PSD3: variants seen among roughly 807,000 people sequenced by gnomAD.
PSD3 encodes the protein pleckstrin and Sec7 domain containing 3, also known as PH and SEC7 domain-containing protein 3.
PSD3 carries 49 observed loss-of-function variants against 105.5 expected under a neutral mutation model. The ratio of observed to expected loss-of-function variants is 0.46; its 90% CI spans 0.37 to 0.59. The LOEUF (loss-of-function observed/expected upper bound fraction) is 0.59, where lower values mean the gene tolerates loss of function less well. Ranked by LOEUF, PSD3 falls within the 20% of genes least tolerant of loss-of-function variation. The pLI, the probability that PSD3 is intolerant of heterozygous loss-of-function variation, is 0.00. For synonymous variants in PSD3, 557 were observed against 457.8 expected, an observed-to-expected ratio of 1.22 and a Z score of -2.77; for missense variants, 1,561 against 1,263.8, an observed-to-expected ratio of 1.24 and a Z score of -3.57.
chr8:18,751,760 A>G (rs200341594), intron 9 of PSD3, among the ~76,000 whole-genome samples: 7,862 of 123,192 alleles, frequency 0.064, 80 homozygotes, highest in African/African-American at 0.19. Context: ...ACCTGAGAAA[A>G]CTGAAAAGGA....
intron 1 of PSD3, among the ~76,000 whole-genome samples, chr8:19,032,124 C>T (rs775662321): frequency 7.2e-5 from 11 of 152,082 alleles, no homozygotes; most frequent in Non-Finnish European, 1.5e-4. Context: ...CCTACCTGGT[C>T]ATTTTACTCT....
intron 1 of PSD3, among the ~76,000 whole-genome samples, chr8:18,939,259 C>T (rs1822364399): frequency 1.3e-5 from 2 of 152,100 alleles, no homozygotes; most frequent in Admixed American, 6.5e-5. Context: ...GTTCATGAAG[C>T]TGGGGAGGGG....
intron 1 of PSD3, among the ~76,000 whole-genome samples, chr8:18,988,593 T>A (rs1265852768): frequency 7.2e-6 from 1 of 138,226 alleles, no homozygotes; most frequent in Non-Finnish European, 1.7e-5. Flanking sequence ...AACTCAAAAA[T>A]GCTCACCCAA....
intron 2 of PSD3, among the ~76,000 whole-genome samples, chr8:18,927,673 G>C (rs17127449): frequency 0.039 from 5,903 of 152,222 alleles, 282 homozygotes; most frequent in East Asian, 0.17. Context: ...TAGTTTCCCT[G>C]AACACACGTA....
At chr8:18,808,933 C>T in intron 4 of PSD3, 7 of 1,472,946 alleles carry the variant, frequency 4.8e-6, no homozygotes, top group Non-Finnish European at 6.3e-6. Context: ...ACCTCACATT[C>T]TCAGCCGAGT....
At chr8:18,732,166 C>T (rs1434120345) in intron 9 of PSD3, among the ~76,000 whole-genome samples, 1 of 151,728 alleles carries the variant, frequency 6.6e-6, no homozygotes, top group Non-Finnish European at 1.5e-5. Context: ...AAAAACAACC[C>T]TCCTCCCCCC....
chr8:18,930,525 G>A lies in PSD3; in HGVS notation c.130+5509C>T, dbSNP rs1024231896. ...AAGTATCAAGAAATGGAATGGCCTA[G>A]TGGTACAGAACGTATATCTTTAACT... On this transcript the variant is annotated intron_variant, in intron 2 of 15. Transcript: ENST00000327040. Among the ~76,000 whole-genome samples, 14 of 151,878 alleles carry A rather than the reference G, an allele frequency of 9.2e-5. 1 individual carries two copies. Among genetic ancestry groups the A allele is most frequent in the Admixed American group, 5.9e-4 (9 of 15,242 alleles).
At chr8:18,602,411 T>A (rs1804502687) in intron 11 of PSD3, among the ~76,000 whole-genome samples, 3 of 152,172 alleles carry the variant, frequency 2.0e-5, no homozygotes, top group South Asian at 2.1e-4. Context: ...CTTATTGTAC[T>A]CACTTACTGC....
chr8:18,921,329 T>G (rs1183981448), intron 2 of PSD3, among the ~76,000 whole-genome samples: 1 of 152,232 alleles, frequency 6.6e-6, no homozygotes, highest in Non-Finnish European at 1.5e-5. Context: ...GTAAATTATC[T>G]TTTAAAACAC....
At chr8:18,769,149 C>T (rs191395258) in intron 8 of PSD3, among the ~76,000 whole-genome samples, 117 of 152,206 alleles carry the variant, frequency 7.7e-4, no homozygotes, top group African/African-American at 2.4e-3. Flanking sequence ...CTTGGCAATA[C>T]CTTTTTAGAT....
At chr8:18,592,705 C>T (rs561343188) in intron 12 of PSD3, among the ~76,000 whole-genome samples, 2 of 152,058 alleles carry the variant, frequency 1.3e-5, no homozygotes, top group Non-Finnish European at 2.9e-5. Flanking sequence ...AACAAACAAA[C>T]AAACAAACAA....
chr8:18,810,666 T>C (rs1586087951), intron 4 of PSD3, among the ~76,000 whole-genome samples: 2 of 152,170 alleles, frequency 1.3e-5, no homozygotes, highest in Non-Finnish European at 2.9e-5. Flanking sequence ...GGGTTGTACA[T>C]AGAAAATAAT....
chr8:18,851,024 C>G (rs1216523189), intron 4 of PSD3, among the ~76,000 whole-genome samples: 1 of 152,156 alleles, frequency 6.6e-6, no homozygotes, highest in Non-Finnish European at 1.5e-5. Context: ...ACCAGAACAC[C>G]AGACAGCTAC....
intron 2 of PSD3, among the ~76,000 whole-genome samples, chr8:18,910,637 TAA>T (rs34392783): frequency 0.047 from 4,593 of 97,492 alleles, 85 homozygotes; most frequent in African/African-American, 0.12. Context: ...TAGAGTATAA[TAA>T]AAAAAAAAAA....
intron 9 of PSD3, among the ~76,000 whole-genome samples, chr8:18,682,366 C>G (rs1800436798): frequency 6.6e-6 from 1 of 152,202 alleles, no homozygotes. Context: ...TTGAGAATTA[C>G]ATACATGCTC....
intron 4 of PSD3, among the ~76,000 whole-genome samples, chr8:18,832,671 T>C (rs1024753458): frequency 3.3e-5 from 5 of 152,188 alleles, no homozygotes; most frequent in Admixed American, 6.5e-5. Flanking sequence ...GGGCAATTTA[T>C]AAAGGAAAGC....
intron 9 of PSD3, among the ~76,000 whole-genome samples, chr8:18,661,056 A>G (rs934461151): frequency 2.0e-5 from 3 of 152,204 alleles, no homozygotes; most frequent in East Asian, 3.8e-4. Flanking sequence ...GGCTCTCTGA[A>G]GCTTTTCTAC....
In PSD3 at chr8:18,872,170, T is replaced by C. The variant is rs1432067507; in HGVS notation, c.694A>G (p.Ile232Val). 6.2e-7 allele frequency: 1 copy of C among 1,614,194 alleles called. No individual in the cohort carries two copies. The highest frequency in any genetic ancestry group is 8.5e-7 in the Non-Finnish European group (1 of 1,180,028). The change falls in exon 3 of 16, where the codon ATA becomes GTA. Residue 232 changes from isoleucine (I) to valine (V), a missense_variant. Coordinates refer to ENST00000327040, the MANE Select transcript of PSD3 (RefSeq NM_015310.4). ...GCCCCTTTCCTCCCATTATTCATTA[T>C]CTGGGAAATCTCTGCCTGAGTGTCT... ...TGDTQAEISQ[I>V]MNNGRKGAVC...
chr8:18,601,366 G>C (rs1171909358), intron 11 of PSD3, among the ~76,000 whole-genome samples: 1 of 152,204 alleles, frequency 6.6e-6, no homozygotes, highest in Non-Finnish European at 1.5e-5. Flanking sequence ...GACAGGGAGA[G>C]CCATTTACTC....
Sources: gnomAD v4.1 joint callset for allele counts (sites outside exome capture counted in the v4.1 genomes callset) on GRCh38, gnomAD v4.1.1 for gene constraint, MANE v1.5 for transcripts, NCBI Gene and HGNC (gene_info 2026-07-23, HGNC 2026-07-21) for gene names.